The following LMNB1 variants were observed in gnomAD, a reference collection of about 807,000 sequenced individuals.
LMNB1 encodes the protein lamin-B1.
Under a neutral mutation model 67.1 loss-of-function variants are expected in LMNB1, and 23 were observed. The ratio of observed to expected loss-of-function variants is 0.34; its 90% CI spans 0.25 to 0.49. LMNB1 has a LOEUF of 0.49. Ranked by LOEUF, LMNB1 falls within the 20% of genes least tolerant of loss-of-function variation. LMNB1 has a pLI of 0.99. For missense variants in LMNB1, 634 were observed against 746.5 expected (o/e 0.85, Z 1.76); for synonymous variants, 281 against 282.9 (o/e 0.99, Z 0.07).
intron 7 of LMNB1, 123 bp downstream of exon 7, chr5:126,821,258 TC>T (rs1751862408): frequency 1.6e-6 from 1 of 620,118 alleles, no homozygotes; most frequent in African/African-American, 1.8e-5. Context: ...AGGGTTTATG[TC>T]CTTTTTACTT....
chr5:126,812,640 A>G (rs922633598), intron 5 of LMNB1, among the ~76,000 whole-genome samples: 2 of 152,132 alleles, frequency 1.3e-5, no homozygotes, highest in African/African-American at 4.8e-5. Flanking sequence ...ATTATTTTGG[A>G]AATAACTTCC....
At chr5:126,789,079 G>C (rs1394493924) in intron 1 of LMNB1, among the ~76,000 whole-genome samples, 2 of 151,682 alleles carry the variant, frequency 1.3e-5, no homozygotes, top group Non-Finnish European at 2.9e-5. Context: ...GTGGGGAGAG[G>C]GTTTTGCCAT....
At chr5:126,780,075 C>T (rs1390624996) in intron 1 of LMNB1, among the ~76,000 whole-genome samples, 1 of 150,744 alleles carries the variant, frequency 6.6e-6, no homozygotes, top group Non-Finnish European at 1.5e-5. Context: ...GTCTGTAATC[C>T]CAGCTACTGG....
Position 126,836,898 on chromosome 5 carries a change from A to AGGGGGGGGGG in LMNB1, c.*637_*638insGGGGGGGGGG, listed in dbSNP as rs1752261550. On this transcript the variant is annotated 3_prime_UTR_variant, in exon 11 of 11. Coordinates refer to ENST00000261366, the MANE Select transcript of LMNB1 (RefSeq NM_005573.4). ...TCTTAATTCATGAGGAGGGTGGGGG[A>AGGGGGGGGGG]GGGAGGTGGAGGGAGGGAAGGGTTT... 1 of 51,750 alleles carries AGGGGGGGGGG rather than the reference A, an allele frequency of 1.9e-5. No individual in the cohort carries two copies. The highest frequency in any genetic ancestry group is 3.6e-5 in the Non-Finnish European group (1 of 28,108). The allele number at this position is 51,750 out of a possible 1,614,324, so 3.2% of individuals were successfully genotyped here. A position where few individuals can be genotyped will look rare whatever the true frequency, so the allele number is the denominator to read the frequency against.
chr5:126,804,280 G>C (rs972780339), intron 1 of LMNB1, among the ~76,000 whole-genome samples: 5 of 119,686 alleles, frequency 4.2e-5, no homozygotes, highest in African/African-American at 1.6e-4. Context: ...GTCTTGCTAT[G>C]TTGCCTAGGT....
chr5:126,812,888 G>C (rs995980657), intron 5 of LMNB1, among the ~76,000 whole-genome samples: 3 of 151,876 alleles, frequency 2.0e-5, no homozygotes, highest in African/African-American at 7.2e-5. Flanking sequence ...GTGCCACCAC[G>C]CCCGGCTAAT....
chr5:126,832,906 C>T (rs577701183), intron 10 of LMNB1, 105 bp downstream of exon 10: 156 of 634,514 alleles, frequency 2.5e-4, no homozygotes, highest in Middle Eastern at 2.3e-3. Context: ...GATGAACCAG[C>T]GCAGTTATCT....
At chr5:126,826,774 C>T (rs1382907694) in intron 9 of LMNB1, among the ~76,000 whole-genome samples, 3 of 152,156 alleles carry the variant, frequency 2.0e-5, no homozygotes, top group African/African-American at 7.2e-5. Context: ...CTTGTCTTTC[C>T]CTAGCGAATC....
intron 9 of LMNB1, among the ~76,000 whole-genome samples, chr5:126,828,793 C>A (rs1004926358): frequency 4.0e-5 from 6 of 148,478 alleles, no homozygotes; most frequent in Non-Finnish European, 7.5e-5. Context: ...AATCTCTTGA[C>A]CTTGTGATCC....
At chr5:126,787,544 A>ATTT (rs1222029249) in intron 1 of LMNB1, among the ~76,000 whole-genome samples, 4 of 76,296 alleles carry the variant, frequency 5.2e-5, no homozygotes, top group African/African-American at 1.6e-4. Flanking sequence ...ATATATATAT[A>ATTT]TATTTTTTTT....
chr5:126,778,812 G>C (rs1428904952), intron 1 of LMNB1, among the ~76,000 whole-genome samples: 2 of 152,186 alleles, frequency 1.3e-5, no homozygotes, highest in East Asian at 1.9e-4. Flanking sequence ...GACCAGGGCA[G>C]GTGACAGGGT....
At chr5:126,782,290 G>A (rs1750651809) in intron 1 of LMNB1, among the ~76,000 whole-genome samples, 1 of 152,188 alleles carries the variant, frequency 6.6e-6, no homozygotes, top group Admixed American at 6.6e-5. Context: ...GGAAGTTAAA[G>A]CAATTCCAAT....
chr5:126,776,832 G>GGCCCAGA (rs1252453887), upstream of LMNB1: 2 of 152,186 alleles, frequency 1.3e-5, no homozygotes, highest in Non-Finnish European at 2.9e-5. Context: ...GAGGGCCCTG[G>GGCCCAGA]GCCCAGAGCC....
Position 126,804,801 on chromosome 5 carries a change from A to G in LMNB1, c.385A>G (p.Asn129Asp), listed in dbSNP as rs768259009. 3.7e-6 allele frequency: 6 copies of G among 1,613,930 alleles called. No homozygotes were observed. In the Admixed American group the frequency reaches 1.0e-4, roughly 27 times the overall value. The change falls in exon 2 of 11, where the codon AAT (asparagine) becomes GAT (aspartate). Residue 129 changes from asparagine to aspartate, a missense_variant. Asn to Asp is a conservative substitution (Grantham distance 23). Transcript: ENST00000261366. ...LNYAKKESDL[N>D]GAQIKLREYE... ...CTATGCTAAGAAGGAATCTGATCTTAATGGCGCCCAGATCAAGCTTCGAGA... is the reference window on the plus strand; with the variant it reads ...CTATGCTAAGAAGGAATCTGATCTTGATGGCGCCCAGATCAAGCTTCGAGA...
At chr5:126,819,840 T>G (rs1234213020) in intron 6 of LMNB1, among the ~76,000 whole-genome samples, 2 of 152,142 alleles carry the variant, frequency 1.3e-5, no homozygotes, top group Non-Finnish European at 2.9e-5. Flanking sequence ...TTGACACCTG[T>G]TCTCAGAAAA....
At chr5:126,818,553 C>T (rs1029778285) in intron 5 of LMNB1, among the ~76,000 whole-genome samples, 1 of 152,144 alleles carries the variant, frequency 6.6e-6, no homozygotes, top group Admixed American at 6.5e-5. Flanking sequence ...GTGTTCTTAT[C>T]TTTTTAAGTT....
In LMNB1 at chr5:126,821,088, A is replaced by G; in HGVS notation, c.1339A>G (p.Ile447Val). The G allele has an allele frequency of 6.2e-7, 1 of 1,613,946 alleles. No homozygotes were observed. Among genetic ancestry groups the G allele is most frequent in the Non-Finnish European group, 8.5e-7 (1 of 1,179,956 alleles). ...SATGNVCIEE[I>V]DVDGKFIRLK... Reference sequence around the variant, plus strand: ...CACTGGAAATGTTTGCATCGAAGAAATTGATGTTGATGGGAAATTTATCCG... The same window carrying G: ...CACTGGAAATGTTTGCATCGAAGAAGTTGATGTTGATGGGAAATTTATCCG... Residue 447 changes from isoleucine (I) to valine (V), a missense_variant, in exon 7 of 11, where the codon ATT becomes GTT. Ile to Val is a conservative substitution (Grantham distance 29). Coordinates refer to ENST00000261366, the MANE Select transcript of LMNB1 (RefSeq NM_005573.4).
chr5:126,796,786 CTTTTTT>C (rs34534973), intron 1 of LMNB1, among the ~76,000 whole-genome samples: 4 of 118,748 alleles, frequency 3.4e-5, no homozygotes, highest in East Asian at 2.5e-4. Context: ...TTTTTTCTTT[CTTTTTT>C]TTTTTTTTTT....
intron 9 of LMNB1, 21 bp downstream of exon 9, chr5:126,826,128 C>G: frequency 6.3e-7 from 1 of 1,597,366 alleles, no homozygotes; most frequent in African/African-American, 1.3e-5. Context: ...TTTATCAGGA[C>G]CACCACAATG....
Sources: gnomAD v4.1 joint callset for allele counts (sites outside exome capture counted in the v4.1 genomes callset) on GRCh38, gnomAD v4.1.1 for gene constraint, MANE v1.5 for transcripts, NCBI Gene and HGNC (gene_info 2026-07-23, HGNC 2026-07-21) for gene names.